Variants in DLG2 observed in about 807,000 individuals in gnomAD.
DLG2 encodes disks large homolog 2.
In DLG2, 45 loss-of-function variants were observed where a neutral mutation model predicts 132.5. That is an observed-to-expected ratio of 0.34 (90% CI 0.27 to 0.44). The LOEUF (loss-of-function observed/expected upper bound fraction) is 0.44, where lower values mean the gene tolerates loss of function less well. Ranked by LOEUF, DLG2 falls within the 20% of genes least tolerant of loss-of-function variation. DLG2 has a pLI of 1.00. For synonymous variants in DLG2, 424 were observed against 419.6 expected (o/e 1.01, Z -0.13); for missense variants, 1,045 against 1,196.9 (o/e 0.87, Z 1.87).
chr11:84,930,467 C>CCCTG (rs2047955505), intron 6 of DLG2, among the ~76,000 whole-genome samples: 1 of 152,104 alleles, frequency 6.6e-6, no homozygotes, highest in South Asian at 2.1e-4. Context: ...GATAATCCTA[C>CCCTG]CCTGTTCTTT....
At chr11:84,625,036 A>G (rs1288705135) in intron 6 of DLG2, among the ~76,000 whole-genome samples, 1 of 148,386 alleles carries the variant, frequency 6.7e-6, no homozygotes, top group Non-Finnish European at 1.5e-5. Flanking sequence ...AATTTTTTGT[A>G]TTTTTAGTAG....
intron 3 of DLG2, among the ~76,000 whole-genome samples, chr11:85,292,106 G>A (rs2078931341): frequency 6.6e-6 from 1 of 152,040 alleles, no homozygotes; most frequent in African/African-American, 2.4e-5. Context: ...TTCTGCTTAG[G>A]GAGTCAGATA....
intron 7 of DLG2, among the ~76,000 whole-genome samples, chr11:84,389,377 C>A (rs1020399022): frequency 6.6e-6 from 1 of 151,950 alleles, no homozygotes; most frequent in African/African-American, 2.4e-5. Context: ...CCATAAAAAC[C>A]TGTCCCAAGT....
chr11:85,596,207 G>C (rs1415325949), intron 3 of DLG2, among the ~76,000 whole-genome samples: 3 of 152,100 alleles, frequency 2.0e-5, no homozygotes, highest in Non-Finnish European at 4.4e-5. Flanking sequence ...GGTCAACATG[G>C]TGAAATCCCA....
intron 3 of DLG2, among the ~76,000 whole-genome samples, chr11:85,541,576 C>A (rs2075978649): frequency 6.6e-6 from 1 of 151,612 alleles, no homozygotes; most frequent in Non-Finnish European, 1.5e-5. Context: ...ATCTCCAAAC[C>A]CTTTGAGATG....
At chr11:85,018,344 T>TCCCCCTTCCAGGTAC (rs1343391603) in intron 6 of DLG2, among the ~76,000 whole-genome samples, 7 of 152,160 alleles carry the variant, frequency 4.6e-5, no homozygotes, top group African/African-American at 1.4e-4. Context: ...GTCAACACTT[T>TCCCCCTTCCAGGTAC]ATATGTACCT....
At chr11:85,170,283 T>A (rs539219152) in intron 4 of DLG2, among the ~76,000 whole-genome samples, 1 of 152,274 alleles carries the variant, frequency 6.6e-6, no homozygotes, top group East Asian at 1.9e-4. Context: ...TCAGATTTTT[T>A]CCTGTGTCTC....
At chr11:84,728,342 G>A (rs1329918138) in intron 6 of DLG2, among the ~76,000 whole-genome samples, 1 of 152,138 alleles carries the variant, frequency 6.6e-6, no homozygotes, top group East Asian at 1.9e-4. Flanking sequence ...CATCTATTGA[G>A]ATAATCATGT....
At chr11:84,039,956 T>C (rs2096012167) in intron 11 of DLG2, among the ~76,000 whole-genome samples, 1 of 148,816 alleles carries the variant, frequency 6.7e-6, no homozygotes, top group African/African-American at 2.4e-5. Flanking sequence ...TGATTTGCAT[T>C]TCTCTGATGG....
rs375986295 is a variant in DLG2, at chr11:84,235,400, C to T, written c.573+15838G>A. Among the ~76,000 whole-genome samples the T allele has an allele frequency of 4.5e-4, 69 of 152,170 alleles. No homozygotes were observed. The South Asian group carries it at 0.012, about 27-fold the overall frequency. Reference sequence around the variant, plus strand: ...TACAGAGTTTGACCCTTTTTGATGACACTAACTGCATTTTAAAGATCTCTT... The same window carrying T: ...TACAGAGTTTGACCCTTTTTGATGATACTAACTGCATTTTAAAGATCTCTT... On this transcript the variant is annotated intron_variant, in intron 8 of 27. Coordinates refer to ENST00000376104, the MANE Select transcript of DLG2 (RefSeq NM_001142699.3).
intron 3 of DLG2, among the ~76,000 whole-genome samples, chr11:85,445,942 T>G (rs1170082682): frequency 6.6e-6 from 1 of 152,192 alleles, no homozygotes; most frequent in South Asian, 2.1e-4. Flanking sequence ...AATCTACAGA[T>G]GAGAAATTTT....
chr11:84,831,890 A>G (rs1382001814), intron 6 of DLG2, among the ~76,000 whole-genome samples: 1 of 151,688 alleles, frequency 6.6e-6, no homozygotes, highest in Non-Finnish European at 1.5e-5. Flanking sequence ...ACCTGCTCTC[A>G]GAGGGCTTGC....
In DLG2 at chr11:84,741,561, G is replaced by C. The variant is rs1370635919; in HGVS notation, c.358-206830C>G. ...ACTGAGATACTCACAAACATCACTAGTGTGAATTACAGCTGAAGAAACCAC... is the reference window on the plus strand; with the variant it reads ...ACTGAGATACTCACAAACATCACTACTGTGAATTACAGCTGAAGAAACCAC... On this transcript the variant is annotated intron_variant, in intron 6 of 27. Coordinates refer to ENST00000376104, the MANE Select transcript of DLG2 (RefSeq NM_001142699.3). Among the ~76,000 whole-genome samples the C allele has an allele frequency of 2.0e-5, 3 of 151,832 alleles. No individual in the cohort carries two copies. In the South Asian group the frequency reaches 6.3e-4, roughly 32 times the overall value.
At chr11:84,259,391 T>C (rs2097524606) in intron 7 of DLG2, among the ~76,000 whole-genome samples, 1 of 152,198 alleles carries the variant, frequency 6.6e-6, no homozygotes, top group African/African-American at 2.4e-5. Context: ...GTGGGTGCAG[T>C]TCAATCCAGC....
intron 3 of DLG2, among the ~76,000 whole-genome samples, chr11:85,594,358 T>TTG (rs1423232770): frequency 6.6e-6 from 1 of 152,236 alleles, no homozygotes; most frequent in Non-Finnish European, 1.5e-5. Flanking sequence ...ATGTAAGGTT[T>TTG]AACTGCCTCC....
intron 6 of DLG2, among the ~76,000 whole-genome samples, chr11:84,876,557 T>C (rs1431916884): frequency 6.6e-6 from 1 of 152,186 alleles, no homozygotes; most frequent in Non-Finnish European, 1.5e-5. Flanking sequence ...AATGTGTCTA[T>C]TTGATTATTT....
chr11:84,988,564 T>TTTCG (rs2056754635), intron 6 of DLG2, among the ~76,000 whole-genome samples: 1 of 152,198 alleles, frequency 6.6e-6, no homozygotes, highest in Non-Finnish European at 1.5e-5. Context: ...AATTAATGGC[T>TTTCG]TTCGCAGCAA....
intron 16 of DLG2, among the ~76,000 whole-genome samples, chr11:83,873,836 A>G (rs2063975579): frequency 1.3e-5 from 2 of 152,172 alleles, no homozygotes; most frequent in African/African-American, 4.8e-5. Flanking sequence ...CCTGCTCCCT[A>G]GTACCCTTTG....
chr11:83,879,539 A>C (rs2065622699), intron 15 of DLG2, among the ~76,000 whole-genome samples: 1 of 151,988 alleles, frequency 6.6e-6, no homozygotes, highest in Non-Finnish European at 1.5e-5. Flanking sequence ...AATATAGCGC[A>C]TGCATTAAAT....
Sources: gnomAD v4.1 joint callset for allele counts (sites outside exome capture counted in the v4.1 genomes callset) on GRCh38, gnomAD v4.1.1 for gene constraint, MANE v1.5 for transcripts, NCBI Gene and HGNC (gene_info 2026-07-23, HGNC 2026-07-21) for gene names.